Variants in SH2D4B observed in about 807,000 individuals in gnomAD.
SH2D4B encodes the protein SH2 domain-containing protein 4B.
Under a neutral mutation model 61.5 loss-of-function variants are expected in SH2D4B, and 45 were observed. That is an observed-to-expected ratio of 0.73 (90% CI 0.58 to 0.94). The LOEUF is 0.94. SH2D4B is among the 40% of genes least tolerant of loss of function. The probability of loss-of-function intolerance (pLI) is 0.00; values close to 1 mark genes in which losing one functional copy is unlikely to be tolerated. For missense variants in SH2D4B, 572 were observed against 574.2 expected, an observed-to-expected ratio of 1.00 and a Z score of 0.04; for synonymous variants, 224 against 220.4, an observed-to-expected ratio of 1.02 and a Z score of -0.14.
intron 1 of SH2D4B, among the ~76,000 whole-genome samples, chr10:80,554,784 T>C (rs991892666): frequency 1.3e-5 from 2 of 151,780 alleles, no homozygotes; most frequent in Admixed American, 1.3e-4. Flanking sequence ...CCGAGGCGGG[T>C]GGATCACAAG....
intron 1 of SH2D4B, among the ~76,000 whole-genome samples, chr10:80,549,671 T>C (rs7098909): frequency 0.38 from 58,005 of 152,204 alleles, 13,655 homozygotes; most frequent in African/African-American, 0.67. Context: ...CCTGCCACCT[T>C]GCTCTTGTTT....
intron 6 of SH2D4B, among the ~76,000 whole-genome samples, chr10:80,628,242 T>G: frequency 6.6e-6 from 1 of 152,064 alleles, no homozygotes. Flanking sequence ...AATTCCCACG[T>G]GTTCGGGAGG....
chr10:80,559,588 CATT>C (rs1159122086), intron 1 of SH2D4B, among the ~76,000 whole-genome samples: 1 of 150,464 alleles, frequency 6.6e-6, no homozygotes, highest in Non-Finnish European at 1.5e-5. Flanking sequence ...ATATAAATGG[CATT>C]ATATGATTAT....
At chr10:80,587,314 C>T (rs1464148798) in intron 3 of SH2D4B, among the ~76,000 whole-genome samples, 2 of 151,576 alleles carry the variant, frequency 1.3e-5, no homozygotes, top group African/African-American at 4.8e-5. Flanking sequence ...GAGTTTTGCT[C>T]TTGTTGCCCA....
At chr10:80,587,082 C>T (rs183898908) in intron 3 of SH2D4B, among the ~76,000 whole-genome samples, 10 of 150,116 alleles carry the variant, frequency 6.7e-5, no homozygotes, top group East Asian at 3.9e-4. Flanking sequence ...GGGTCCGCGG[C>T]TTCATTCTTG....
intron 3 of SH2D4B, among the ~76,000 whole-genome samples, chr10:80,586,740 G>A (rs965631169): frequency 2.6e-5 from 4 of 152,178 alleles, no homozygotes; most frequent in Non-Finnish European, 5.9e-5. Context: ...TCCCCTTGCC[G>A]CTGTGGAAGC....
intron 6 of SH2D4B, among the ~76,000 whole-genome samples, chr10:80,616,919 C>G (rs2132149841): frequency 6.6e-6 from 1 of 152,332 alleles, no homozygotes; most frequent in African/African-American, 2.4e-5. Flanking sequence ...CTAAACATTT[C>G]TCATATGTTC....
At chr10:80,624,507 T>A (rs892601200) in intron 6 of SH2D4B, among the ~76,000 whole-genome samples, 1 of 152,184 alleles carries the variant, frequency 6.6e-6, no homozygotes, top group African/African-American at 2.4e-5. Flanking sequence ...ATAGAGGGAG[T>A]TTCTAGAATG....
chr10:80,580,826 G>C (rs181384208), intron 3 of SH2D4B, among the ~76,000 whole-genome samples: 1 of 152,298 alleles, frequency 6.6e-6, no homozygotes, highest in African/African-American at 2.4e-5. Flanking sequence ...GAATAAGCTG[G>C]ACAGCTCAGA....
At chr10:80,615,319 C>T (rs1304136392) in intron 6 of SH2D4B, among the ~76,000 whole-genome samples, 1 of 152,240 alleles carries the variant, frequency 6.6e-6, no homozygotes, top group Non-Finnish European at 1.5e-5. Flanking sequence ...CACATTTGTC[C>T]AGCAGTCAGC....
intron 7 of SH2D4B, among the ~76,000 whole-genome samples, chr10:80,636,433 A>G (rs142890400): frequency 0.069 from 10,502 of 152,180 alleles, 432 homozygotes; most frequent in African/African-American, 0.09. Context: ...AAGTGTTCCT[A>G]TTTCTCCACA....
Position 80,603,774 on chromosome 10 carries a change from A to T in SH2D4B, c.839A>T (p.Gln280Leu). The T allele has an allele frequency of 6.2e-7, 1 of 1,610,540 alleles. No homozygotes were observed. Among genetic ancestry groups the T allele is most frequent in the Non-Finnish European group, 8.5e-7 (1 of 1,179,392 alleles). ...CACCTCCCCGACCCGGGTCTGCCGC[A>T]GCCCCTTGCCCTGCCGGTCAGGTGG... ...YHHLPDPGLP[Q>L]PLALPVSRTW... The change falls in exon 5 of 8, where the codon CAG (glutamine) becomes CTG (leucine). Residue 280 changes from glutamine (Q) to leucine (L), a missense_variant. Transcript: ENST00000646907.
chr10:80,570,083 C>G, intron 1 of SH2D4B, 71 bp from the exon 2 acceptor site: 4 of 1,568,448 alleles, frequency 2.6e-6, no homozygotes, highest in Non-Finnish European at 3.5e-6. Flanking sequence ...TTGTTTACCA[C>G]TGGGCAGCTT....
chr10:80,538,054 G>C lies in SH2D4B; in HGVS notation c.-278G>C. 4.8e-6 allele frequency: 1 copy of C among 209,030 alleles called. No individual in the cohort carries two copies. Among genetic ancestry groups the C allele is most frequent in the South Asian group, 1.9e-4 (1 of 5,360 alleles). 12.9% of individuals were successfully genotyped at this position (209,030 alleles called of 1,614,324 possible). A position where few individuals can be genotyped will look rare whatever the true frequency, so the allele number is the denominator to read the frequency against. On this transcript the variant is annotated 5_prime_UTR_variant, in exon 1 of 8. Coordinates refer to ENST00000646907, the MANE Select transcript of SH2D4B (RefSeq NM_001388272.1). This position sits in a 1 kb window ranked among gnomAD's most constrained non-coding sequence, Gnocchi z 4.8. ...TGGGATGCCGTGCTTGGTGACCCAG[G>C]AGAAGGACTAGATTGCTCCTGGTGG...
At chr10:80,604,952 C>G (rs768576742) in intron 5 of SH2D4B, among the ~76,000 whole-genome samples, 36 of 152,164 alleles carry the variant, frequency 2.4e-4, no homozygotes, top group African/African-American at 8.2e-4. Flanking sequence ...CGCCACCACA[C>G]CCAGCTAATT....
Position 80,603,695 on chromosome 10 carries a change from T to A in SH2D4B, c.760T>A (p.Ser254Thr), listed in dbSNP as rs757699807. 3.1e-6 allele frequency: 5 copies of A among 1,613,290 alleles called. No individual in the cohort carries two copies. The highest frequency in any genetic ancestry group is 3.4e-6 in the Non-Finnish European group (4 of 1,179,822). Residue 254 changes from serine (S) to threonine (T), a missense_variant, in exon 5 of 8, where the codon TCC (serine) becomes ACC (threonine). Coordinates refer to ENST00000646907, the MANE Select transcript of SH2D4B (RefSeq NM_001388272.1). ...GAAGGGCACGGTCGCTGGCCTCAGC[T>A]CCATGTTCCGGGAGCTTGGCCAGAG... is the stretch of plus-strand genomic sequence containing the variant. Reference protein sequence around the residue: ...IQKGTVAGLSSMFRELGQSHE... With the variant: ...IQKGTVAGLSTMFRELGQSHE...
At chr10:80,622,931 A>G (rs1008678698) in intron 6 of SH2D4B, among the ~76,000 whole-genome samples, 1 of 151,992 alleles carries the variant, frequency 6.6e-6, no homozygotes, top group Non-Finnish European at 1.5e-5. Context: ...TTATTTATTT[A>G]TTGAGATGGA....
At chr10:80,574,349 T>C (rs1842098781) in intron 3 of SH2D4B, among the ~76,000 whole-genome samples, 1 of 152,202 alleles carries the variant, frequency 6.6e-6, no homozygotes, top group African/African-American at 2.4e-5. Context: ...GTTGCCCAGC[T>C]GGTCTTGAAC....
chr10:80,538,190 C>G lies in SH2D4B; in HGVS notation c.-142C>G, dbSNP rs1841529899. The G allele has an allele frequency of 1.5e-6, 1 of 647,814 alleles. No homozygotes were observed. The highest frequency in any genetic ancestry group is 2.2e-6 in the Non-Finnish European group (1 of 446,226). 40.1% of individuals were successfully genotyped at this position (647,814 alleles called of 1,614,324 possible). A position where few individuals can be genotyped will look rare whatever the true frequency, so the allele number is the denominator to read the frequency against. ...GTCGCTGGCTGCAAGCTGAGGCCAA[C>G]TGACAATGCTGCACAGAGAAGGGGC... is the stretch of plus-strand genomic sequence containing the variant. On this transcript the variant is annotated 5_prime_UTR_variant, in exon 1 of 8. Transcript: ENST00000646907. The surrounding 1 kb of genome is among the most constrained non-coding windows in gnomAD (Gnocchi z 4.8).
Sources: allele counts gnomAD v4.1 joint callset (sites outside exome capture counted in the v4.1 genomes callset), GRCh38; gene constraint gnomAD v4.1.1; non-coding constraint Gnocchi (gnomAD v3.1); transcripts MANE v1.5; gene names NCBI Gene and HGNC (gene_info 2026-07-23, HGNC 2026-07-21).